Variants in BRIP1 observed in about 807,000 individuals in gnomAD.
BRIP1 encodes the protein BRCA1 interacting DNA helicase 1.
Under a neutral mutation model 119.7 loss-of-function variants are expected in BRIP1, and 88 were observed. That is an observed-to-expected ratio of 0.74 (90% confidence interval 0.62 to 0.88). The LOEUF (loss-of-function observed/expected upper bound fraction) is 0.88. Ranked by LOEUF, BRIP1 falls within the 40% of genes least tolerant of loss-of-function variation. The pLI is 0.00. For synonymous variants in BRIP1, 443 were observed against 496.5 expected (o/e 0.89, Z 1.43); for missense variants, 1,259 against 1,455.4 (o/e 0.87, Z 2.20).
In BRIP1 at chr17:61,684,096, C is replaced by T. The variant is rs2061325330; in HGVS notation, c.2950G>A (p.Val984Met). ...LEEAGKAEKI[V>M]ISRSTSPTFN... is the part of the protein sequence containing the mutation. ...GTTGGGCTTGTGGATCTGGAAATCA[C>T]AATTTTTTCTGCTTTCCCTGCTTCT... Residue 984 changes from valine to methionine, a missense_variant, in exon 20 of 20, where the codon GTG (valine) becomes ATG (methionine). Val to Met is a conservative substitution (Grantham distance 21). Around this residue, in one of 3 missense-constraint regions of BRIP1, gnomAD observed 753 missense variants for 891.8 expected, o/e 0.84. Transcript: ENST00000259008. This position sits in a 1 kb window ranked among gnomAD's most constrained non-coding sequence, Gnocchi z 4.5. The T allele has an allele frequency of 6.2e-7, 1 of 1,613,544 alleles. No individual in the cohort carries two copies. Among genetic ancestry groups the T allele is most frequent in the Non-Finnish European group, 8.5e-7 (1 of 1,179,810 alleles).
rs1338151070 is a variant in BRIP1, at chr17:61,832,215, T to C, written c.627+14886A>G. Among the ~76,000 whole-genome samples the C allele has an allele frequency of 2.0e-5, 3 of 152,170 alleles. No individual in the cohort carries two copies. Among genetic ancestry groups the C allele is most frequent in the Non-Finnish European group, 4.4e-5 (3 of 68,030 alleles). ...AATAAGGAAGCGTTCCAAGAATGAT[T>C]GATATATGTCAGAAAGACACAAGCA... is the stretch of plus-strand genomic sequence containing the variant. On this transcript the variant is annotated intron_variant, in intron 6 of 19. Transcript: ENST00000259008. This position sits in a 1 kb window ranked among gnomAD's most constrained non-coding sequence, Gnocchi z 5.5.
At position 61,769,175 on chromosome 17, in the gene BRIP1, T is replaced by G. The variant is rs931866304; in HGVS notation, c.2097+7226A>C. Among the ~76,000 whole-genome samples the G allele has an allele frequency of 9.2e-5, 14 of 152,188 alleles. No homozygotes were observed. The highest frequency in any genetic ancestry group is 1.8e-4 in the Non-Finnish European group (12 of 68,030). On this transcript the variant is annotated intron_variant, in intron 14 of 19. Transcript: ENST00000259008. The surrounding 1 kb of genome is among the most constrained non-coding windows in gnomAD (Gnocchi z 4.9). Reference sequence around the variant, plus strand: ...GCCTTTAGTGAGACCACAACCCCAGTTGACTCTGCTGGGAGCCTTGTAATA... The same window carrying G: ...GCCTTTAGTGAGACCACAACCCCAGGTGACTCTGCTGGGAGCCTTGTAATA...
rs544469041 is a variant in BRIP1 at position 61,698,448 on chromosome 17, C to T, written c.2493-4936G>A. Among the ~76,000 whole-genome samples the T allele has an allele frequency of 5.9e-5, 9 of 152,188 alleles. No homozygotes were observed. In the East Asian group the frequency reaches 1.5e-3, roughly 26 times the overall value. On this transcript the variant is annotated intron_variant, in intron 17 of 19. Coordinates refer to ENST00000259008, the MANE Select transcript of BRIP1 (RefSeq NM_032043.3). ...ATGCCATGTTCACTTGAGCAGAATG[C>T]GTATTTTCCTGTTGTTGGGTGAAGT...
At position 61,689,216 on chromosome 17, in the gene BRIP1, G is replaced by A. The variant is rs922686736; in HGVS notation, c.2576-3051C>T. Reference sequence around the variant, plus strand: ...GTACCACCACACCCGGCTAATTGTCGTATTTTTAGTAGAGGTGGGGTTTCA... The same window carrying A: ...GTACCACCACACCCGGCTAATTGTCATATTTTTAGTAGAGGTGGGGTTTCA... On this transcript the variant is annotated intron_variant, in intron 18 of 19. Coordinates refer to ENST00000259008, the MANE Select transcript of BRIP1 (RefSeq NM_032043.3). This position sits in a 1 kb window ranked among gnomAD's most constrained non-coding sequence, Gnocchi z 4.5. Among the ~76,000 whole-genome samples the A allele has an allele frequency of 1.1e-4, 16 of 151,790 alleles. No individual in the cohort carries two copies. Among genetic ancestry groups the A allele is most frequent in the Admixed American group, 5.3e-4 (8 of 15,216 alleles).
rs932755259 is a variant in BRIP1 at position 61,842,228 on chromosome 17, A to C, written c.627+4873T>G. On this transcript the variant is annotated intron_variant, in intron 6 of 19. Transcript: ENST00000259008. This position sits in a 1 kb window ranked among gnomAD's most constrained non-coding sequence, Gnocchi z 5.1. ...TTCTTACTCATATGTAGGAGCTAAA[A>C]AAAATGAGCTCATAGAAGTAGAGTA... Among the ~76,000 whole-genome samples, 2 of 152,182 alleles carry C rather than the reference A, an allele frequency of 1.3e-5. No individual in the cohort carries two copies. Among genetic ancestry groups the C allele is most frequent in the African/African-American group, 4.8e-5 (2 of 41,438 alleles).
chr17:61,713,614 C>T lies in BRIP1; in HGVS notation c.2492+2337G>A, dbSNP rs915175920. On this transcript the variant is annotated intron_variant, in intron 17 of 19. Transcript: ENST00000259008. This position sits in a 1 kb window ranked among gnomAD's most constrained non-coding sequence, Gnocchi z 4.9. ...TCGGCTCACTGCAGCCTCCACCTCC[C>T]GGGTTCAAGTAATTCTCCTGCCCCA... Among the ~76,000 whole-genome samples, 1 of 151,710 alleles carries T rather than the reference C, an allele frequency of 6.6e-6. No homozygotes were observed. Among genetic ancestry groups the T allele is most frequent in the African/African-American group, 2.4e-5 (1 of 41,264 alleles).
rs1030586701 is a variant in BRIP1 at position 61,805,142 on chromosome 17, A to G, written c.918+3325T>C. ...AAAGGAGAATCCGTGTTTTCAAAACATACATACATCAATACATACACAAAT... is the reference window on the plus strand; with the variant it reads ...AAAGGAGAATCCGTGTTTTCAAAACGTACATACATCAATACATACACAAAT... On this transcript the variant is annotated intron_variant, in intron 7 of 19. Coordinates refer to ENST00000259008, the MANE Select transcript of BRIP1 (RefSeq NM_032043.3). This position sits in a 1 kb window ranked among gnomAD's most constrained non-coding sequence, Gnocchi z 5.6. 6.6e-6 allele frequency among the ~76,000 whole-genome samples: 1 copy of G among 152,200 alleles called. No individual in the cohort carries two copies. Among genetic ancestry groups the G allele is most frequent in the Non-Finnish European group, 1.5e-5 (1 of 68,034 alleles).
chr17:61,724,081 C>A lies in BRIP1; in HGVS notation c.2380-8018G>T, dbSNP rs2062025352. Among the ~76,000 whole-genome samples, 1 of 151,936 alleles carries A rather than the reference C, an allele frequency of 6.6e-6. No individual in the cohort carries two copies. The highest frequency in any genetic ancestry group is 6.6e-5 in the Admixed American group (1 of 15,252). On this transcript the variant is annotated intron_variant, in intron 16 of 19. Coordinates refer to ENST00000259008, the MANE Select transcript of BRIP1 (RefSeq NM_032043.3). The surrounding 1 kb of genome is among the most constrained non-coding windows in gnomAD (Gnocchi z 5.1). Reference sequence around the variant, plus strand: ...TCAAGTTTGTACCAAATGTAAAGCTCCCTTACTATGATAGTTTTTAGACAA... The same window carrying A: ...TCAAGTTTGTACCAAATGTAAAGCTACCTTACTATGATAGTTTTTAGACAA...
At position 61,701,369 on chromosome 17, in the gene BRIP1, C is replaced by T. The variant is rs915522443; in HGVS notation, c.2493-7857G>A. Among the ~76,000 whole-genome samples the T allele has an allele frequency of 1.1e-4, 17 of 152,118 alleles. No homozygotes were observed. Among genetic ancestry groups the T allele is most frequent in the African/African-American group, 3.6e-4 (15 of 41,410 alleles). On this transcript the variant is annotated intron_variant, in intron 17 of 19. Coordinates refer to ENST00000259008, the MANE Select transcript of BRIP1 (RefSeq NM_032043.3). The surrounding 1 kb of genome is among the most constrained non-coding windows in gnomAD (Gnocchi z 5.1). ...TCATGTGTGGTCATTGAAGACTGCTCGATTAACTTAGTAGTCAGCTAATAA... is the reference window on the plus strand; with the variant it reads ...TCATGTGTGGTCATTGAAGACTGCTTGATTAACTTAGTAGTCAGCTAATAA...
intron 10 of BRIP1, 123 bp from the exon 11 acceptor site, chr17:61,784,547 T>G (rs545188400): frequency 1.1e-6 from 1 of 876,076 alleles, no homozygotes; most frequent in African/African-American, 1.7e-5. Context: ...AGAATTGCTA[T>G]AGTTTGATAG....
rs1408906081 is a variant in BRIP1, at chr17:61,778,175, A to AT, written c.1936-1614dup. ...AACATAGATGATGAACTTTGAAGAC[A>AT]TTATCTGCAACATGGACAAACCTTG... On this transcript the variant is annotated intron_variant, in intron 13 of 19. Coordinates refer to ENST00000259008, the MANE Select transcript of BRIP1 (RefSeq NM_032043.3). The surrounding 1 kb of genome is among the most constrained non-coding windows in gnomAD (Gnocchi z 4.4). Among the ~76,000 whole-genome samples, 1 of 152,220 alleles carries AT rather than the reference A, an allele frequency of 6.6e-6. No homozygotes were observed. Among genetic ancestry groups the AT allele is most frequent in the Non-Finnish European group, 1.5e-5 (1 of 68,046 alleles).
Position 61,760,240 on chromosome 17 carries a change from AT to A in BRIP1, c.2098-15650del, listed in dbSNP as rs2077258965. 6.6e-6 allele frequency among the ~76,000 whole-genome samples: 1 copy of A among 151,122 alleles called. No individual in the cohort carries two copies. The highest frequency in any genetic ancestry group is 2.1e-4 in the South Asian group (1 of 4,788). On this transcript the variant is annotated intron_variant, in intron 14 of 19. Coordinates refer to ENST00000259008, the MANE Select transcript of BRIP1 (RefSeq NM_032043.3). This position sits in a 1 kb window ranked among gnomAD's most constrained non-coding sequence, Gnocchi z 4.6. ...ATTAAAAGGGAAATTTAAAAAAAAT[AT>A]ATTGAGACAAACAAAAATGGAAACA...
At position 61,793,908 on chromosome 17, in the gene BRIP1, T is replaced by C. The variant is rs114198716; in HGVS notation, c.1341-179A>G. Among the ~76,000 whole-genome samples, 844 of 152,230 alleles carry C rather than the reference T, an allele frequency of 5.5e-3. 5 individuals carry two copies. The highest frequency in any genetic ancestry group is 0.019 in the African/African-American group (808 of 41,558). Reference sequence around the variant, plus strand: ...AGCATTCATGTCTCATATTGCAAAATAAACTTTATATAACTGAAAAGAAAG... The same window carrying C: ...AGCATTCATGTCTCATATTGCAAAACAAACTTTATATAACTGAAAAGAAAG... On this transcript the variant is annotated intron_variant, in intron 9 of 19. Transcript: ENST00000259008. The surrounding 1 kb of genome is among the most constrained non-coding windows in gnomAD (Gnocchi z 5.2).
In BRIP1 at chr17:61,759,922, G is replaced by A. The variant is rs560738900; in HGVS notation, c.2098-15331C>T. 5.4e-5 allele frequency among the ~76,000 whole-genome samples: 8 copies of A among 148,980 alleles called. No individual in the cohort carries two copies. Among genetic ancestry groups the A allele is most frequent in the South Asian group, 2.1e-4 (1 of 4,760 alleles). On this transcript the variant is annotated intron_variant, in intron 14 of 19. Transcript: ENST00000259008. This position sits in a 1 kb window ranked among gnomAD's most constrained non-coding sequence, Gnocchi z 4.9. ...AAAACCCAGAATATTTGCAAAGTGC[G>A]ATAAAGCAAAGCACAATAAAATAAG...
chr17:61,816,019 C>T lies in BRIP1; in HGVS notation c.628-7262G>A, dbSNP rs1228948833. 6.6e-6 allele frequency among the ~76,000 whole-genome samples: 1 copy of T among 152,122 alleles called. No individual in the cohort carries two copies. Among genetic ancestry groups the T allele is most frequent in the Non-Finnish European group, 1.5e-5 (1 of 68,020 alleles). ...TTCAACTATTCTTTTTTTAAAAATT[C>T]AAACAGTAGTAGTACCCTACTGCCA... On this transcript the variant is annotated intron_variant, in intron 6 of 19. Transcript: ENST00000259008. This position sits in a 1 kb window ranked among gnomAD's most constrained non-coding sequence, Gnocchi z 5.0.
intron 17 of BRIP1, among the ~76,000 whole-genome samples, chr17:61,712,566 A>G (rs1021620927): frequency 6.6e-6 from 1 of 152,210 alleles, no homozygotes; most frequent in East Asian, 1.9e-4. Flanking sequence ...TAGGAAATAA[A>G]TAATTACATG....
At position 61,780,705 on chromosome 17, in the gene BRIP1, G is replaced by C. The variant is rs1234209130; in HGVS notation, c.1794+135C>G. The stretch of plus-strand genomic sequence containing the variant: ...ATTGCACCACTGCACTCCAGCCTGG[G>C]TGAAGAGCAAGACCCTGCCTCAAAA... On this transcript the variant is annotated intron_variant, in intron 12 of 19. Coordinates refer to ENST00000259008, the MANE Select transcript of BRIP1 (RefSeq NM_032043.3). This position sits in a 1 kb window ranked among gnomAD's most constrained non-coding sequence, Gnocchi z 5.4. 4 of 1,094,164 alleles carry C rather than the reference G, an allele frequency of 3.7e-6. No individual in the cohort carries two copies. Among genetic ancestry groups the C allele is most frequent in the Admixed American group, 1.8e-5 (1 of 54,366 alleles). 67.8% of individuals were successfully genotyped at this position (1,094,164 alleles called of 1,614,324 possible).
chr17:61,740,643 C>T lies in BRIP1; in HGVS notation c.2379+2370G>A, dbSNP rs2076973726. On this transcript the variant is annotated intron_variant, in intron 16 of 19. Coordinates refer to ENST00000259008, the MANE Select transcript of BRIP1 (RefSeq NM_032043.3). This position sits in a 1 kb window ranked among gnomAD's most constrained non-coding sequence, Gnocchi z 5.4. The stretch of plus-strand genomic sequence containing the variant: ...AGGAGAATATCATAACAAAGTAAGT[C>T]ACATGAATTTTTTGGTTTCCCAACA... Among the ~76,000 whole-genome samples, 1 of 152,132 alleles carries T rather than the reference C, an allele frequency of 6.6e-6. No homozygotes were observed. The highest frequency in any genetic ancestry group is 2.1e-4 in the South Asian group (1 of 4,824).
chr17:61,731,981 CTTT>C (rs71299809), intron 16 of BRIP1, among the ~76,000 whole-genome samples: 7 of 83,026 alleles, frequency 8.4e-5, no homozygotes, highest in African/African-American at 2.6e-4. Flanking sequence ...TTCTTTCTTT[CTTT>C]TTTTTTTTTT....
Sources: gnomAD v4.1 joint callset for allele counts (sites outside exome capture counted in the v4.1 genomes callset) on GRCh38, gnomAD v4.1.1 for gene constraint, gnomAD v4.1.1 regional missense constraint, Gnocchi (gnomAD v3.1) non-coding constraint, MANE v1.5 for transcripts, NCBI Gene and HGNC (gene_info 2026-07-23, HGNC 2026-07-21) for gene names.